The following BRD7 variants were observed in gnomAD, a reference collection of about 807,000 sequenced individuals.
BRD7 encodes bromodomain containing 7.
Under a neutral mutation model 82.1 loss-of-function variants are expected in BRD7, and 15 were observed. The observed-to-expected ratio is 0.18, with a 90% confidence interval of 0.12 to 0.28. The LOEUF is 0.28. BRD7 is among the 10% of genes least tolerant of loss of function. The pLI is 1.00. For missense variants in BRD7, 638 were observed against 779.9 expected (o/e 0.82, Z 2.17); for synonymous variants, 232 against 266.9 (o/e 0.87, Z 1.27).
chr16:50,319,987 T>TA lies in BRD7; in HGVS notation c.1799dup (p.Thr601AsnfsTer4). 1 of 1,612,686 alleles carries TA rather than the reference T, an allele frequency of 6.2e-7. No individual in the cohort carries two copies. ...ACGTGCTTACGATATCACCTGGAGT[T>TA]ACTTGCTGTGCAAGTTCTTTAAGAT... On this transcript the variant is annotated frameshift_variant, in exon 16 of 17. Coordinates refer to ENST00000394688, the MANE Select transcript of BRD7 (RefSeq NM_013263.5). LOFTEE classifies it high-confidence loss of function.
intron 2 of BRD7, among the ~76,000 whole-genome samples, chr16:50,359,732 C>T (rs1737706069): frequency 6.6e-6 from 1 of 152,210 alleles, no homozygotes; most frequent in South Asian, 2.1e-4. Flanking sequence ...AAAACAACAA[C>T]AAAACAGATT....
chr16:50,362,145 C>T (rs377601727), intron 2 of BRD7, among the ~76,000 whole-genome samples: 10 of 152,214 alleles, frequency 6.6e-5, no homozygotes, highest in African/African-American at 2.2e-4. Flanking sequence ...TAAAGCCCAA[C>T]TCAAATGCTG....
At chr16:50,334,982 AT>A in intron 6 of BRD7, 87 bp from the exon 7 acceptor site, 1 of 1,280,018 alleles carries the variant, frequency 7.8e-7, no homozygotes. Flanking sequence ...GTTTATACTT[AT>A]CCTGTCATTA....
At chr16:50,350,665 T>TA (rs113012924) in intron 4 of BRD7, among the ~76,000 whole-genome samples, 35 of 152,288 alleles carry the variant, frequency 2.3e-4, no homozygotes, top group African/African-American at 5.1e-4. Flanking sequence ...TGGGGGATGC[T>TA]AAAAAAACTG....
In BRD7 at chr16:50,321,998, G is replaced by A. The variant is rs753971768; in HGVS notation, c.1484C>T (p.Thr495Ile). ...EDEGHTRTLDTAKEMEITEVE... is the reference protein window; with the variant it reads ...EDEGHTRTLDIAKEMEITEVE... ...TAAAATCACCTCCATTTCTTTTGCT[G>A]TGTCAAGTGTCCTAGTATGGCCTTC... The change falls in exon 13 of 17, where the codon ACA becomes ATA. Residue 495 changes from threonine to isoleucine, a missense_variant. Transcript: ENST00000394688. The A allele has an allele frequency of 1.9e-6, 3 of 1,610,560 alleles. No individual in the cohort carries two copies. The highest frequency in any genetic ancestry group is 2.2e-5 in the East Asian group (1 of 44,722).
In BRD7 at chr16:50,325,882, C is replaced by G. The variant is rs377367045; in HGVS notation, c.1197G>C (p.Val399=). The change falls in exon 11 of 17, where the codon GTG becomes GTC. Residue 399 remains valine, a splice_region_variant and synonymous_variant. Transcript: ENST00000394688. The part of the protein sequence containing the change: ...KEDKRNKVTP[V]LYLNYGPYSS... ...TGTAGGGCCCATAATTCAAATATAA[C>G]ACTGTTGAAAAAATCAAATACTGTA... is the stretch of plus-strand genomic sequence containing the variant. 123 of 1,585,372 alleles carry G rather than the reference C, an allele frequency of 7.8e-5. No individual in the cohort carries two copies. The highest frequency in any genetic ancestry group is 8.2e-5 in the Non-Finnish European group (96 of 1,172,618).
intron 13 of BRD7, among the ~76,000 whole-genome samples, chr16:50,321,126 G>T (rs2151130902): frequency 1.3e-5 from 2 of 152,308 alleles, no homozygotes; most frequent in Middle Eastern, 6.8e-3. Flanking sequence ...ACAATGCCTT[G>T]TGTTTTCGAG....
chr16:50,325,623 TA>T (rs1200936082), intron 11 of BRD7, 124 bp downstream of exon 11: 659 of 841,156 alleles, frequency 7.8e-4, no homozygotes, highest in South Asian at 1.1e-3. Flanking sequence ...ATTGTCAGCT[TA>T]AAAAAAAATT....
At chr16:50,342,000 A>G (rs987017215) in intron 5 of BRD7, among the ~76,000 whole-genome samples, 3 of 151,962 alleles carry the variant, frequency 2.0e-5, no homozygotes, top group African/African-American at 7.3e-5. Flanking sequence ...AACTGAATAA[A>G]TATTACTTTA....
At chr16:50,324,732 ACTCTCTCCTTCTCTGCTGCTTTAC>A (rs2037264263) in intron 11 of BRD7, among the ~76,000 whole-genome samples, 1 of 151,868 alleles carries the variant, frequency 6.6e-6, no homozygotes, top group African/African-American at 2.4e-5. Context: ...CCCCAGCACT[ACTCTCTCCTTCTCTGCTGCTTTAC>A]CTTTCTCCAA....
chr16:50,328,694 G>C lies in BRD7; in HGVS notation c.1062C>G (p.Leu354=). The change falls in exon 9 of 17, where the codon CTC becomes CTG. Residue 354 remains leucine, a synonymous_variant. Transcript: ENST00000394688. ...CTCCTACAATGGGATCCACAGGATG[G>C]AGAAGTCCCAACGTCGTTGTTCCAT... The part of the protein sequence containing the change: ...KPDGTTTLGL[L]HPVDPIVGEP... The C allele has an allele frequency of 6.2e-7, 1 of 1,613,982 alleles. No homozygotes were observed.
At chr16:50,348,271 T>A (rs891312788) in intron 5 of BRD7, among the ~76,000 whole-genome samples, 2 of 152,196 alleles carry the variant, frequency 1.3e-5, no homozygotes, top group African/African-American at 4.8e-5. Context: ...CAAGATGGAT[T>A]AGAGACTTAA....
At chr16:50,333,888 C>T (rs939048122) in intron 7 of BRD7, among the ~76,000 whole-genome samples, 191 bp from the exon 8 acceptor site, 1 of 152,190 alleles carries the variant, frequency 6.6e-6, no homozygotes, top group Admixed American at 6.5e-5. Context: ...GCACACCTAA[C>T]ATGTTATTTC....
In BRD7 at chr16:50,325,711, T is replaced by C. The variant is rs755352745; in HGVS notation, c.1331+37A>G. The C allele has an allele frequency of 2.6e-6, 4 of 1,544,238 alleles. No homozygotes were observed. In the African/African-American group the frequency reaches 4.2e-5, roughly 16 times the overall value. ...AATCATGTATGTACTTTAATGTTTT[T>C]AAACAAATGTAATCAGAATATTAAC... On this transcript the variant is annotated intron_variant, in intron 11 of 16. Coordinates refer to ENST00000394688, the MANE Select transcript of BRD7 (RefSeq NM_013263.5).
chr16:50,332,391 A>G (rs923382962), intron 8 of BRD7, among the ~76,000 whole-genome samples: 1 of 152,250 alleles, frequency 6.6e-6, no homozygotes, highest in African/African-American at 2.4e-5. Flanking sequence ...AGCAGCCAAC[A>G]AACATATGAG....
At chr16:50,326,238 C>A in intron 10 of BRD7, 46 bp downstream of exon 10, 2 of 1,511,004 alleles carry the variant, frequency 1.3e-6, no homozygotes, top group Non-Finnish European at 1.8e-6. Flanking sequence ...TCCCTAATAT[C>A]CCAAAACAGA....
At chr16:50,335,021 A>C in intron 6 of BRD7, 126 bp from the exon 7 acceptor site, 1 of 918,582 alleles carries the variant, frequency 1.1e-6, no homozygotes, top group South Asian at 2.0e-5. Context: ...ATTAAATGTA[A>C]TCATATACCA....
chr16:50,333,817 T>C lies in BRD7; in HGVS notation c.888-120A>G, dbSNP rs905052347. 9.3e-6 allele frequency: 8 copies of C among 859,990 alleles called. No individual in the cohort carries two copies. In the African/African-American group the frequency reaches 1.2e-4, roughly 13 times the overall value. The allele number at this position is 859,990 out of a possible 1,614,324, so 53.3% of individuals were successfully genotyped here. On this transcript the variant is annotated intron_variant, in intron 7 of 16. Transcript: ENST00000394688. The stretch of plus-strand genomic sequence containing the variant: ...GAGACATTTGTACTACAGTCACTCA[T>C]TGAAACTTACTTCCTTGATGACCTG...
chr16:50,339,077 A>C (rs1018531892), intron 6 of BRD7, among the ~76,000 whole-genome samples: 41 of 152,234 alleles, frequency 2.7e-4, no homozygotes, highest in African/African-American at 8.7e-4. Flanking sequence ...TGTGTATAAT[A>C]TCTCATGTTT....
Sources: gnomAD v4.1 joint callset for allele counts (sites outside exome capture counted in the v4.1 genomes callset) on GRCh38, gnomAD v4.1.1 for gene constraint, MANE v1.5 for transcripts, NCBI Gene and HGNC (gene_info 2026-07-23, HGNC 2026-07-21) for gene names.